PRLR: variants seen among roughly 807,000 people sequenced by gnomAD.
PRLR encodes the protein hPRL receptor.
Under a neutral mutation model 40.2 loss-of-function variants are expected in PRLR, and 13 were observed. The ratio of observed to expected loss-of-function variants is 0.32; its 90% CI spans 0.21 to 0.51. The LOEUF is 0.51. Among genes scored for constraint, PRLR ranks in the 20% least tolerant of loss-of-function variants. PRLR has a pLI of 0.97. For missense variants in PRLR, 656 were observed against 747.3 expected (o/e 0.88, Z 1.42); for synonymous variants, 269 against 278.7 (o/e 0.97, Z 0.35).
chr5:35,204,075 TG>T (rs1775948976), intron 1 of PRLR, among the ~76,000 whole-genome samples: 1 of 152,104 alleles, frequency 6.6e-6, no homozygotes, highest in South Asian at 2.1e-4. Flanking sequence ...GAAATATTGT[TG>T]TATGGGACAA....
chr5:35,117,441 G>A (rs978611024), intron 2 of PRLR, among the ~76,000 whole-genome samples: 1 of 152,200 alleles, frequency 6.6e-6, no homozygotes, highest in African/African-American at 2.4e-5. Flanking sequence ...TTTGCCTGTA[G>A]TGTAGACAGA....
At chr5:35,143,518 G>A (rs543884911) in intron 1 of PRLR, among the ~76,000 whole-genome samples, 27 of 152,192 alleles carry the variant, frequency 1.8e-4, no homozygotes, top group African/African-American at 5.5e-4. Flanking sequence ...CACAAACCTC[G>A]TTTGTTTTCT....
At chr5:35,101,819 T>TTA (rs1219136209) in intron 2 of PRLR, among the ~76,000 whole-genome samples, 1 of 148,302 alleles carries the variant, frequency 6.7e-6, no homozygotes, top group Non-Finnish European at 1.5e-5. Flanking sequence ...TATATATGTT[T>TTA]TATATATTAT....
Position 35,048,895 on chromosome 5 carries a change from G to A in PRLR, c.*392C>T, listed in dbSNP as rs139592093. 270 of 336,112 alleles carry A rather than the reference G, an allele frequency of 8.0e-4. 2 individuals carry two copies. The highest frequency in any genetic ancestry group is 5.4e-3 in the African/African-American group (251 of 46,674). The allele number at this position is 336,112 out of a possible 1,614,324, so 20.8% of individuals were successfully genotyped here. ...CAGTGACAAAGCTGATTGCAACTAG[G>A]GGGTCGAGGGACTGGGGATGGGTAG... On this transcript the variant is annotated 3_prime_UTR_variant, in exon 9 of 9. Transcript: ENST00000231423.
At position 35,064,111 on chromosome 5, in the gene PRLR, A is replaced by C. The variant is rs1268096859; in HGVS notation, c.*978T>G. The C allele has an allele frequency of 6.6e-6, 1 of 152,220 alleles. No individual in the cohort carries two copies. The highest frequency in any genetic ancestry group is 1.5e-5 in the Non-Finnish European group (1 of 68,036). The allele number at this position is 152,220 out of a possible 1,614,324, so 9.4% of individuals were successfully genotyped here. ...GCAGAAAATACTGTACCCACTGAAT[A>C]CATAAACAGCTGTACTGGGAAAATA... is the stretch of plus-strand genomic sequence containing the variant. On this transcript the variant is annotated 3_prime_UTR_variant, in exon 10 of 10. Transcript: ENST00000618457.
chr5:35,145,747 A>G (rs1385809711), intron 1 of PRLR, among the ~76,000 whole-genome samples: 2 of 152,226 alleles, frequency 1.3e-5, no homozygotes, highest in Non-Finnish European at 2.9e-5. Flanking sequence ...CACTGAAATG[A>G]AAGAACAACT....
intron 4 of PRLR, 108 bp from the exon 5 acceptor site, chr5:35,084,747 G>GA: frequency 1.9e-6 from 2 of 1,035,302 alleles, no homozygotes; most frequent in Non-Finnish European, 2.8e-6. Flanking sequence ...AATTCCAAGC[G>GA]CAAAACCCAG....
chr5:35,167,044 C>T lies in PRLR; in HGVS notation c.-105-48922G>A, dbSNP rs111921265. Among the ~76,000 whole-genome samples, 1,364 of 152,162 alleles carry T rather than the reference C, an allele frequency of 9.0e-3. 21 individuals carry two copies. Among genetic ancestry groups the T allele is most frequent in the Non-Finnish European group, 0.01 (705 of 67,954 alleles). On this transcript the variant is annotated intron_variant, in intron 1 of 9. Transcript: ENST00000618457. ...AAATTCAATTCTATACAAACTTTTT[C>T]TCTAAGAAGAAATTACTTCTACCTC... is the stretch of plus-strand genomic sequence containing the variant.
chr5:35,146,344 T>G (rs1774181171), intron 1 of PRLR, among the ~76,000 whole-genome samples: 1 of 152,212 alleles, frequency 6.6e-6, no homozygotes, highest in Admixed American at 6.5e-5. Flanking sequence ...ACGTGTACTC[T>G]TGGGTGTACT....
In PRLR at chr5:35,063,576, C is replaced by A. The variant is rs1158347431; in HGVS notation, c.*1513G>T. ...GAGCTATTCCCATTGCTCTGGGAAGCAAATACCTAGTTTCCCAGAACTTTT... is the reference window on the plus strand; with the variant it reads ...GAGCTATTCCCATTGCTCTGGGAAGAAAATACCTAGTTTCCCAGAACTTTT... On this transcript the variant is annotated 3_prime_UTR_variant, in exon 10 of 10. Coordinates refer to ENST00000618457, the MANE Select transcript of PRLR (RefSeq NM_000949.7). 1 of 152,164 alleles carries A rather than the reference C, an allele frequency of 6.6e-6. No individual in the cohort carries two copies. Among genetic ancestry groups the A allele is most frequent in the Non-Finnish European group, 1.5e-5 (1 of 68,016 alleles). 9.4% of individuals were successfully genotyped at this position (152,164 alleles called of 1,614,324 possible).
intron 1 of PRLR, among the ~76,000 whole-genome samples, chr5:35,140,313 T>C (rs1456399102): frequency 6.6e-6 from 1 of 152,150 alleles, no homozygotes; most frequent in Non-Finnish European, 1.5e-5. Context: ...CAGGCAATAC[T>C]TTTTCTAGTC....
At chr5:35,048,866 G>C (rs978514832) in exon 9 of PRLR, 13 of 318,282 alleles carry the variant, frequency 4.1e-5, no homozygotes, top group Admixed American at 2.3e-4. Flanking sequence ...GTGCCTAAGG[G>C]GGACAGTGAC....
At chr5:35,106,327 A>G (rs1429943271) in intron 2 of PRLR, among the ~76,000 whole-genome samples, 1 of 152,226 alleles carries the variant, frequency 6.6e-6, no homozygotes. Context: ...ACTAATAAGC[A>G]AAATAACCAG....
intron 1 of PRLR, among the ~76,000 whole-genome samples, chr5:35,183,522 C>T (rs1160553532): frequency 6.6e-6 from 1 of 152,142 alleles, no homozygotes; most frequent in Non-Finnish European, 1.5e-5. Context: ...CTGTGGTATG[C>T]CTTCTGGGGC....
At chr5:35,193,719 T>C (rs1454425333) in intron 1 of PRLR, among the ~76,000 whole-genome samples, 1 of 152,126 alleles carries the variant, frequency 6.6e-6, no homozygotes, top group African/African-American at 2.4e-5. Flanking sequence ...AGATGTTCTC[T>C]CCGAACATCT....
chr5:35,129,475 G>T (rs554292044), intron 1 of PRLR, among the ~76,000 whole-genome samples: 1 of 152,180 alleles, frequency 6.6e-6, no homozygotes, highest in Non-Finnish European at 1.5e-5. Flanking sequence ...CATTCCTCTG[G>T]CCTAACAAAG....
intron 1 of PRLR, among the ~76,000 whole-genome samples, chr5:35,155,583 G>T (rs1037457848): frequency 6.6e-6 from 1 of 152,162 alleles, no homozygotes; most frequent in Non-Finnish European, 1.5e-5. Flanking sequence ...GGAAGCCGTT[G>T]GTTCTTAACG....
chr5:35,188,127 G>T (rs556108169), intron 1 of PRLR, among the ~76,000 whole-genome samples: 1 of 152,110 alleles, frequency 6.6e-6, no homozygotes. Context: ...ACCCAGCTCC[G>T]TCAGGAACTT....
chr5:35,057,169 T>A lies in PRLR; in HGVS notation c.*7920A>T, dbSNP rs750729669. The A allele has an allele frequency of 6.6e-6, 1 of 152,150 alleles. No homozygotes were observed. The highest frequency in any genetic ancestry group is 6.6e-5 in the Admixed American group (1 of 15,256). The allele number at this position is 152,150 out of a possible 1,614,324, so 9.4% of individuals were successfully genotyped here. A position where few individuals can be genotyped will look rare whatever the true frequency, so the allele number is the denominator to read the frequency against. ...TTGGATCTCCTTGTATCTGGTTCCATCTCCCCTCATTTTTCTCAGCCTCCC... is the reference window on the plus strand; with the variant it reads ...TTGGATCTCCTTGTATCTGGTTCCAACTCCCCTCATTTTTCTCAGCCTCCC... On this transcript the variant is annotated 3_prime_UTR_variant, in exon 10 of 10. Transcript: ENST00000618457.
Sources: allele counts gnomAD v4.1 joint callset (sites outside exome capture counted in the v4.1 genomes callset), GRCh38; gene constraint gnomAD v4.1.1; transcripts MANE v1.5; gene names NCBI Gene and HGNC (gene_info 2026-07-23, HGNC 2026-07-21).